Variants in AGPAT4 observed in about 807,000 individuals in gnomAD.
The protein encoded by AGPAT4 is 1-acyl-sn-glycerol-3-phosphate acyltransferase delta.
In AGPAT4, 15 loss-of-function variants were observed where a neutral mutation model predicts 48.0. The ratio of observed to expected loss-of-function variants is 0.31; its 90% confidence interval spans 0.21 to 0.48. AGPAT4 has a LOEUF of 0.48. Ranked by LOEUF, AGPAT4 falls within the 20% of genes least tolerant of loss-of-function variation. The probability of loss-of-function intolerance (pLI) is 0.99; values close to 1 mark genes in which losing one functional copy is unlikely to be tolerated. For synonymous variants in AGPAT4, 178 were observed against 198.7 expected (o/e 0.90, Z 0.88); for missense variants, 314 against 482.5 (o/e 0.65, Z 3.27).
Position 161,225,119 on chromosome 6 carries a change from G to A in AGPAT4, c.178+6917C>T, listed in dbSNP as rs185006420. Among the ~76,000 whole-genome samples, 27 of 145,420 alleles carry A rather than the reference G, an allele frequency of 1.9e-4. No homozygotes were observed. The highest frequency in any genetic ancestry group is 6.0e-4 in the African/African-American group (23 of 38,198). ...TTACCTGCTCTACCCAGACTCATTC[G>A]GATTACCTGCTCCACCCTGACTCCT... On this transcript the variant is annotated intron_variant, in intron 2 of 8. Transcript: ENST00000320285. This position sits in a 1 kb window ranked among gnomAD's most constrained non-coding sequence, Gnocchi z 5.0.
chr6:161,140,750 G>A lies in AGPAT4; in HGVS notation c.844-1130C>T, dbSNP rs1779224376. ...CTGGCCGTGAGGAGGGGCCAGGGCA[G>A]AAGCTGCCTGCAGGGAGCAGAGCTG... On this transcript the variant is annotated intron_variant, in intron 7 of 8. Coordinates refer to ENST00000320285, the MANE Select transcript of AGPAT4 (RefSeq NM_020133.3). This position sits in a 1 kb window ranked among gnomAD's most constrained non-coding sequence, Gnocchi z 6.5. Among the ~76,000 whole-genome samples the A allele has an allele frequency of 6.6e-6, 1 of 152,242 alleles. No individual in the cohort carries two copies. The highest frequency in any genetic ancestry group is 1.5e-5 in the Non-Finnish European group (1 of 68,042).
Position 161,213,898 on chromosome 6 carries a change from C to A in AGPAT4, c.178+18138G>T, listed in dbSNP as rs142780353. 4.0e-3 allele frequency among the ~76,000 whole-genome samples: 612 copies of A among 152,136 alleles called. 5 individuals are homozygous for A. Among genetic ancestry groups the A allele is most frequent in the African/African-American group, 0.014 (574 of 41,492 alleles). ...GACTCATCTTCTTCTAAAATGCTTT[C>A]TCCAAAAAAATTTTTTAAAGTGGGG... On this transcript the variant is annotated intron_variant, in intron 2 of 8. Transcript: ENST00000320285.
chr6:161,242,589 C>T lies in AGPAT4; in HGVS notation c.-89-10287G>A, dbSNP rs1055586979. ...GCTGGCTAGATGCATTTCCAACAAC[C>T]GAGGGTGTATGAGCTATTTTAAACA... On this transcript the variant is annotated intron_variant, in intron 1 of 8. Coordinates refer to ENST00000320285, the MANE Select transcript of AGPAT4 (RefSeq NM_020133.3). The surrounding 1 kb of genome is among the most constrained non-coding windows in gnomAD (Gnocchi z 5.0). Among the ~76,000 whole-genome samples the T allele has an allele frequency of 3.3e-5, 5 of 152,014 alleles. No homozygotes were observed. The highest frequency in any genetic ancestry group is 4.8e-5 in the African/African-American group (2 of 41,376).
Position 161,154,750 on chromosome 6 carries a change from T to C in AGPAT4, c.349-440A>G, listed in dbSNP as rs1196688568. Among the ~76,000 whole-genome samples, 2 of 152,252 alleles carry C rather than the reference T, an allele frequency of 1.3e-5. No individual in the cohort carries two copies. The highest frequency in any genetic ancestry group is 2.1e-4 in the South Asian group (1 of 4,834). ...CTGAGTTTTGTGATATTACAAAATATAGTAATTCTTGATCGCTGAAAATGT... is the reference window on the plus strand; with the variant it reads ...CTGAGTTTTGTGATATTACAAAATACAGTAATTCTTGATCGCTGAAAATGT... On this transcript the variant is annotated intron_variant, in intron 3 of 8. Transcript: ENST00000320285. The surrounding 1 kb of genome is among the most constrained non-coding windows in gnomAD (Gnocchi z 7.8).
intron 3 of AGPAT4, among the ~76,000 whole-genome samples, chr6:161,156,912 AC>A (rs1307223770): frequency 6.6e-6 from 1 of 152,146 alleles, no homozygotes; most frequent in African/African-American, 2.4e-5. Context: ...CCTTTAATTC[AC>A]CCCATCCCTT....
At position 161,204,673 on chromosome 6, in the gene AGPAT4, A is replaced by G. The variant is rs1781331054; in HGVS notation, c.178+27363T>C. Among the ~76,000 whole-genome samples the G allele has an allele frequency of 6.6e-6, 1 of 152,086 alleles. No individual in the cohort carries two copies. The highest frequency in any genetic ancestry group is 1.5e-5 in the Non-Finnish European group (1 of 68,020). On this transcript the variant is annotated intron_variant, in intron 2 of 8. Transcript: ENST00000320285. This position sits in a 1 kb window ranked among gnomAD's most constrained non-coding sequence, Gnocchi z 4.4. ...AATTGATGTATGGTTGTTTGTCATC[A>G]GCAGCTGTTAAAAAAAAATGTTCCC...
intron 2 of AGPAT4, among the ~76,000 whole-genome samples, chr6:161,228,599 C>T (rs1460823559): frequency 7.7e-6 from 1 of 130,448 alleles, no homozygotes; most frequent in African/African-American, 3.1e-5. Flanking sequence ...TTTTTTAACC[C>T]TGACATTAAT....
chr6:161,165,566 C>T lies in AGPAT4; in HGVS notation c.348+682G>A. On this transcript the variant is annotated intron_variant, in intron 3 of 8. Coordinates refer to ENST00000320285, the MANE Select transcript of AGPAT4 (RefSeq NM_020133.3). The surrounding 1 kb of genome is among the most constrained non-coding windows in gnomAD (Gnocchi z 5.5). ...ATGTACACTGTGTACACTGTGATTC[C>T]TACGGAATACCTGAGTACCGCAGAT... 7.8e-7 allele frequency: 1 copy of T among 1,289,190 alleles called. No homozygotes were observed. 79.9% of individuals were successfully genotyped at this position (1,289,190 alleles called of 1,614,324 possible).
Position 161,232,145 on chromosome 6 carries a change from G to A in AGPAT4, c.69C>T (p.Ala23=), listed in dbSNP as rs775925908. 1.7e-5 allele frequency: 27 copies of A among 1,614,106 alleles called. No individual in the cohort carries two copies. Among genetic ancestry groups the A allele is most frequent in the Non-Finnish European group, 2.2e-5 (26 of 1,180,006 alleles). ...GAATGGTGTTGATGATTAGCCCTGA[G>A]GCAATAAAGACGTAGCAGAAGACCA... ...CHLVFCYVFI[A]SGLIINTIQL... The change falls in exon 2 of 9, where the codon GCC becomes GCT. Residue 23 remains alanine, a synonymous_variant. Coordinates refer to ENST00000320285, the MANE Select transcript of AGPAT4 (RefSeq NM_020133.3). The surrounding 1 kb of genome is among the most constrained non-coding windows in gnomAD (Gnocchi z 6.8).
chr6:161,188,113 T>C (rs1780822208), intron 2 of AGPAT4, among the ~76,000 whole-genome samples: 1 of 152,222 alleles, frequency 6.6e-6, no homozygotes, highest in South Asian at 2.1e-4. Flanking sequence ...TACTTTCTAA[T>C]TTTGAAATGG....
At position 161,220,853 on chromosome 6, in the gene AGPAT4, G is replaced by A. The variant is rs1312203395; in HGVS notation, c.178+11183C>T. On this transcript the variant is annotated intron_variant, in intron 2 of 8. Transcript: ENST00000320285. The surrounding 1 kb of genome is among the most constrained non-coding windows in gnomAD (Gnocchi z 6.0). ...GGCTGGAGTGCAGTGGTGCAATCTC[G>A]GCTCACTGCAACTTCTGCCTCCCGG... Among the ~76,000 whole-genome samples, 7 of 151,970 alleles carry A rather than the reference G, an allele frequency of 4.6e-5. No individual in the cohort carries two copies. The highest frequency in any genetic ancestry group is 2.6e-4 in the Admixed American group (4 of 15,258).
Position 161,158,383 on chromosome 6 carries a change from A to G in AGPAT4, c.349-4073T>C, listed in dbSNP as rs1213877366. Among the ~76,000 whole-genome samples the G allele has an allele frequency of 1.3e-5, 2 of 152,262 alleles. No homozygotes were observed. Among genetic ancestry groups the G allele is most frequent in the South Asian group, 4.1e-4 (2 of 4,834 alleles). ...AATTCTGGATTTATTTCACAGGTCA[A>G]CGTGAAAGGATTTACTGATGAGTTA... On this transcript the variant is annotated intron_variant, in intron 3 of 8. Coordinates refer to ENST00000320285, the MANE Select transcript of AGPAT4 (RefSeq NM_020133.3). The surrounding 1 kb of genome is among the most constrained non-coding windows in gnomAD (Gnocchi z 5.3).
rs1781342223 is a variant in AGPAT4, at chr6:161,204,986, G to C, written c.178+27050C>G. ...TGACGCTGTTGATGAAAAGACACTG[G>C]ACAGAAACCAGGAAGGAAGCCAGCC... On this transcript the variant is annotated intron_variant, in intron 2 of 8. Coordinates refer to ENST00000320285, the MANE Select transcript of AGPAT4 (RefSeq NM_020133.3). This position sits in a 1 kb window ranked among gnomAD's most constrained non-coding sequence, Gnocchi z 4.4. 6.6e-6 allele frequency among the ~76,000 whole-genome samples: 1 copy of C among 152,148 alleles called. No homozygotes were observed.
intron 2 of AGPAT4, among the ~76,000 whole-genome samples, chr6:161,205,931 C>T (rs1001084838): frequency 6.6e-6 from 1 of 152,028 alleles, no homozygotes; most frequent in African/African-American, 2.4e-5. Context: ...AAACCCTGGA[C>T]ACTACATATA....
chr6:161,155,843 T>G lies in AGPAT4; in HGVS notation c.349-1533A>C, dbSNP rs1330330402. Reference sequence around the variant, plus strand: ...ACCTGAACTCATTCCAAACATGCAGTCATTTGAAGGAGCTATAAATGATGA... The same window carrying G: ...ACCTGAACTCATTCCAAACATGCAGGCATTTGAAGGAGCTATAAATGATGA... On this transcript the variant is annotated intron_variant, in intron 3 of 8. Coordinates refer to ENST00000320285, the MANE Select transcript of AGPAT4 (RefSeq NM_020133.3). The surrounding 1 kb of genome is among the most constrained non-coding windows in gnomAD (Gnocchi z 5.8). Among the ~76,000 whole-genome samples, 4 of 152,190 alleles carry G rather than the reference T, an allele frequency of 2.6e-5. No individual in the cohort carries two copies. Among genetic ancestry groups the G allele is most frequent in the Non-Finnish European group, 5.9e-5 (4 of 68,034 alleles).
At position 161,149,435 on chromosome 6, in the gene AGPAT4, C is replaced by G; in HGVS notation, c.665-146G>C. ...TCAGATTTCTTTCTTTCTATATGGT[C>G]CACATGTTCTACACTGAATGTGTAT... On this transcript the variant is annotated intron_variant, in intron 5 of 8. Coordinates refer to ENST00000320285, the MANE Select transcript of AGPAT4 (RefSeq NM_020133.3). The surrounding 1 kb of genome is among the most constrained non-coding windows in gnomAD (Gnocchi z 6.5). 1 of 643,262 alleles carries G rather than the reference C, an allele frequency of 1.6e-6. No individual in the cohort carries two copies. Among genetic ancestry groups the G allele is most frequent in the Non-Finnish European group, 2.5e-6 (1 of 395,262 alleles). The allele number at this position is 643,262 out of a possible 1,614,324, so 39.8% of individuals were successfully genotyped here.
intron 1 of AGPAT4, among the ~76,000 whole-genome samples, chr6:161,239,032 G>T (rs577555376): frequency 1.6e-4 from 24 of 152,140 alleles, no homozygotes; most frequent in Non-Finnish European, 1.3e-4. Context: ...ATACACATAA[G>T]AATATGTTAA....
chr6:161,247,461 C>A (rs1346007271), intron 1 of AGPAT4, among the ~76,000 whole-genome samples: 1 of 152,022 alleles, frequency 6.6e-6, no homozygotes, highest in Non-Finnish European at 1.5e-5. Flanking sequence ...TAGATAAAAC[C>A]ATTTCAGAGG....
At chr6:161,188,825 A>G (rs1014635709) in intron 2 of AGPAT4, among the ~76,000 whole-genome samples, 2 of 152,126 alleles carry the variant, frequency 1.3e-5, no homozygotes, top group African/African-American at 4.8e-5. Flanking sequence ...TTCCGTAAAC[A>G]TCATTCCCTA....
Sources: gnomAD v4.1 joint callset for allele counts (sites outside exome capture counted in the v4.1 genomes callset) on GRCh38, gnomAD v4.1.1 for gene constraint, Gnocchi (gnomAD v3.1) non-coding constraint, MANE v1.5 for transcripts, NCBI Gene and HGNC (gene_info 2026-07-23, HGNC 2026-07-21) for gene names.